Variants in DPY19L2 observed in about 807,000 individuals in gnomAD.
DPY19L2 encodes dpy-19 like 2, also known as probable C-mannosyltransferase DPY19L2.
Under a neutral mutation model 97.9 loss-of-function variants are expected in DPY19L2, and 34 were observed. That is an observed-to-expected ratio of 0.35 (90% CI 0.26 to 0.46). DPY19L2 has a LOEUF of 0.46. Ranked by LOEUF, DPY19L2 falls within the 20% of genes least tolerant of loss-of-function variation. The pLI, the probability that DPY19L2 is intolerant of heterozygous loss-of-function variation, is 1.00. For synonymous variants in DPY19L2, 230 were observed against 307.9 expected (o/e 0.75, Z 2.65); for missense variants, 623 against 911.4 (o/e 0.68, Z 4.07).
chr12:63,660,010 T>C (rs1174934922), intron 4 of DPY19L2, among the ~76,000 whole-genome samples: 1 of 152,074 alleles, frequency 6.6e-6, no homozygotes, highest in Non-Finnish European at 1.5e-5. Flanking sequence ...ATCACAGCCA[T>C]CGTAAGAGTA....
intron 16 of DPY19L2, among the ~76,000 whole-genome samples, chr12:63,585,294 A>G (rs1379082281): frequency 5.9e-5 from 9 of 152,138 alleles, no homozygotes; most frequent in Admixed American, 5.9e-4. Flanking sequence ...GGGGGTGAAG[A>G]GAGAAATAGG....
chr12:63,635,504 G>A (rs537265458), intron 6 of DPY19L2, among the ~76,000 whole-genome samples: 1 of 152,226 alleles, frequency 6.6e-6, no homozygotes, highest in Admixed American at 6.5e-5. Flanking sequence ...AAAGGAGGGT[G>A]TTCGAACCCA....
At chr12:63,612,074 A>T (rs1887100982) in intron 11 of DPY19L2, among the ~76,000 whole-genome samples, 1 of 152,074 alleles carries the variant, frequency 6.6e-6, no homozygotes, top group African/African-American at 2.4e-5. Flanking sequence ...AAGCGTAGGG[A>T]TGTCAACAGA....
chr12:63,591,705 A>C (rs2137460107), intron 16 of DPY19L2, among the ~76,000 whole-genome samples: 2 of 151,918 alleles, frequency 1.3e-5, no homozygotes, highest in South Asian at 4.2e-4. Flanking sequence ...AACACAAATA[A>C]TTATACCCCC....
At chr12:63,561,431 A>G (rs1876483826) in intron 21 of DPY19L2, among the ~76,000 whole-genome samples, 4 of 152,088 alleles carry the variant, frequency 2.6e-5, no homozygotes, top group South Asian at 2.1e-4. Flanking sequence ...GCAATCTACC[A>G]TCTTCCCCAA....
rs1309235541 is a variant in DPY19L2, at chr12:63,625,954, T to A, written c.861+515A>T. Among the ~76,000 whole-genome samples the A allele has an allele frequency of 1.3e-4, 19 of 147,644 alleles. 1 individual carries two copies. In the East Asian group the frequency reaches 2.9e-3, roughly 23 times the overall value. ...ATATATGTTATATATATATAATATA[T>A]AAGTTTTTATAAAATATAACTATAA... On this transcript the variant is annotated intron_variant, in intron 7 of 21. Transcript: ENST00000324472.
rs1876336019 is a variant in DPY19L2, at chr12:63,560,770, A to G, written c.2127-108T>C. On this transcript the variant is annotated intron_variant, in intron 21 of 21. Coordinates refer to ENST00000324472, the MANE Select transcript of DPY19L2 (RefSeq NM_173812.5). ...GAGACAAATTTATTTCATAAGTTAA[A>G]TATTTTAAAGCGTCATTTCAAAAAA... 4.2e-6 allele frequency: 6 copies of G among 1,430,152 alleles called. No homozygotes were observed. The African/African-American group carries it at 7.2e-5, about 17-fold the overall frequency. 88.6% of individuals were successfully genotyped at this position (1,430,152 alleles called of 1,614,324 possible).
chr12:63,643,547 C>T lies in DPY19L2; in HGVS notation c.803+856G>A, dbSNP rs575206700. Among the ~76,000 whole-genome samples the T allele has an allele frequency of 2.3e-3, 344 of 152,208 alleles. 3 individuals carry two copies. The highest frequency in any genetic ancestry group is 0.017 in the Middle Eastern group (5 of 294). On this transcript the variant is annotated intron_variant, in intron 6 of 21. Coordinates refer to ENST00000324472, the MANE Select transcript of DPY19L2 (RefSeq NM_173812.5). ...TAGGAATGCGCTCCACTGAAAGAAACAGAAAACCTAACAAAAGTGGCTTAC... is the reference window on the plus strand; with the variant it reads ...TAGGAATGCGCTCCACTGAAAGAAATAGAAAACCTAACAAAAGTGGCTTAC...
intron 4 of DPY19L2, among the ~76,000 whole-genome samples, chr12:63,650,063 A>C (rs954684107): frequency 6.6e-6 from 1 of 152,130 alleles, no homozygotes; most frequent in African/African-American, 2.4e-5. Flanking sequence ...GAACTAAAAA[A>C]AACCCCACAT....
Position 63,668,143 on chromosome 12 carries a change from A to G in DPY19L2, c.251T>C (p.Phe84Ser). ...AKTFLLGPFQ[F>S]VRNSLAQLRE... is the part of the protein sequence containing the mutation. ...GAGCTGCGCCAGGGAATTACGGACG[A>G]ACTGGAAGGGGCCGAGAAGAAAGGT... The change falls in exon 1 of 22, where the codon TTC becomes TCC. Residue 84 changes from phenylalanine (F) to serine (S), a missense_variant. This residue lies in a region of DPY19L2 where 144 missense variants were observed against 119.4 expected (regional missense o/e 1.21). Coordinates refer to ENST00000324472, the MANE Select transcript of DPY19L2 (RefSeq NM_173812.5). 1 of 1,613,924 alleles carries G rather than the reference A, an allele frequency of 6.2e-7. No individual in the cohort carries two copies. The highest frequency in any genetic ancestry group is 1.1e-5 in the South Asian group (1 of 91,066).
At chr12:63,651,500 C>T (rs914885131) in intron 4 of DPY19L2, 1 of 157,790 alleles carries the variant, frequency 6.3e-6, no homozygotes, top group Non-Finnish European at 1.4e-5. Flanking sequence ...GCAAACTATT[C>T]ATCTGACAAA....
intron 14 of DPY19L2, among the ~76,000 whole-genome samples, chr12:63,597,583 C>A (rs182696534): frequency 6.7e-4 from 102 of 151,378 alleles, no homozygotes; most frequent in African/African-American, 2.3e-3. Flanking sequence ...AAATACTCTT[C>A]TCAGATTATC....
chr12:63,591,497 G>C (rs1315141792), intron 16 of DPY19L2, among the ~76,000 whole-genome samples: 2 of 152,014 alleles, frequency 1.3e-5, no homozygotes, highest in Non-Finnish European at 2.9e-5. Flanking sequence ...CATGTCATTT[G>C]AGATCATATT....
chr12:63,567,887 A>AT (rs2137268774), intron 21 of DPY19L2, among the ~76,000 whole-genome samples: 1 of 151,850 alleles, frequency 6.6e-6, no homozygotes, highest in African/African-American at 2.4e-5. Flanking sequence ...ATAGCACATC[A>AT]TTTTTTTCTC....
chr12:63,591,750 T>C (rs1882958152), intron 16 of DPY19L2, among the ~76,000 whole-genome samples: 1 of 151,398 alleles, frequency 6.6e-6, no homozygotes, highest in Admixed American at 6.6e-5. Flanking sequence ...AAGAAAAGCC[T>C]GACCAACACG....
chr12:63,589,394 T>TAAAAAAAAAAAAAAAAAA (rs1882478786), intron 16 of DPY19L2, among the ~76,000 whole-genome samples: 49 of 43,714 alleles, frequency 1.1e-3, no homozygotes, highest in Middle Eastern at 0.011. Context: ...AAAAAAAAAG[T>TAAAAAAAAAAAAAAAAAA]AAAGCAGCTT....
chr12:63,635,730 T>A (rs1891556655), intron 6 of DPY19L2, among the ~76,000 whole-genome samples: 1 of 151,436 alleles, frequency 6.6e-6, no homozygotes, highest in African/African-American at 2.4e-5. Context: ...GAGGAGAAGT[T>A]TAGAGTAAAA....
intron 16 of DPY19L2, among the ~76,000 whole-genome samples, chr12:63,585,736 T>C (rs1448481080): frequency 6.6e-6 from 1 of 152,078 alleles, no homozygotes; most frequent in Admixed American, 6.5e-5. Context: ...AAGACACAGA[T>C]ATCATGAAAA....
intron 13 of DPY19L2, among the ~76,000 whole-genome samples, chr12:63,598,625 C>T (rs1884643442): frequency 6.6e-6 from 1 of 152,078 alleles, no homozygotes; most frequent in Non-Finnish European, 1.5e-5. Flanking sequence ...ACTCTTAATT[C>T]AAATTATTTT....
Sources: allele counts gnomAD v4.1 joint callset (sites outside exome capture counted in the v4.1 genomes callset), GRCh38; gene constraint gnomAD v4.1.1; regional missense constraint gnomAD v4.1.1; transcripts MANE v1.5; gene names NCBI Gene and HGNC (gene_info 2026-07-23, HGNC 2026-07-21).